The following RORA variants were observed in gnomAD, a reference collection of about 807,000 sequenced individuals.
The protein encoded by RORA is nuclear receptor ROR-alpha.
In RORA, 7 loss-of-function variants were observed where a neutral mutation model predicts 69.5. The observed-to-expected ratio is 0.10, with a 90% CI of 0.06 to 0.19. The LOEUF (loss-of-function observed/expected upper bound fraction) is 0.19, where lower values mean the gene tolerates loss of function less well. Among genes scored for constraint, RORA ranks in the 10% least tolerant of loss-of-function variants. The pLI, the probability that RORA is intolerant of heterozygous loss-of-function variation, is 1.00. For synonymous variants in RORA, 261 were observed against 240.8 expected (o/e 1.08, Z -0.78); for missense variants, 457 against 663.0 (o/e 0.69, Z 3.41).
chr15:60,647,391 T>C (rs765332509), intron 2 of RORA, among the ~76,000 whole-genome samples: 4 of 152,214 alleles, frequency 2.6e-5, no homozygotes, highest in Non-Finnish European at 5.9e-5. Flanking sequence ...GAAATCTGCC[T>C]GGCTTTGCGG....
chr15:60,675,912 C>G (rs1004519707), intron 2 of RORA, among the ~76,000 whole-genome samples: 1 of 152,006 alleles, frequency 6.6e-6, no homozygotes, highest in African/African-American at 2.4e-5. Context: ...AGTTAGGAAA[C>G]CAAGATTGAA....
chr15:60,589,348 C>T (rs1411401696), intron 2 of RORA, among the ~76,000 whole-genome samples: 2 of 152,168 alleles, frequency 1.3e-5, no homozygotes, highest in Admixed American at 1.3e-4. Flanking sequence ...AATCTACGGG[C>T]CAGAAATTCC....
intron 2 of RORA, among the ~76,000 whole-genome samples, chr15:60,641,954 T>A (rs916572174): frequency 6.6e-6 from 1 of 152,242 alleles, no homozygotes; most frequent in Non-Finnish European, 1.5e-5. Context: ...TTGGTACCTT[T>A]AAGTAGCATT....
At chr15:61,020,330 A>C (rs1238096977) in intron 1 of RORA, among the ~76,000 whole-genome samples, 1 of 152,142 alleles carries the variant, frequency 6.6e-6, no homozygotes, top group African/African-American at 2.4e-5. Flanking sequence ...CCAGGATGAA[A>C]GCACTCTCTT....
At chr15:60,678,575 A>G (rs2070589596) in intron 2 of RORA, 82 bp downstream of exon 2, 2 of 1,040,526 alleles carry the variant, frequency 1.9e-6, no homozygotes, top group Admixed American at 3.4e-5. Context: ...ATTAGTATAT[A>G]CTTGAAGGGT....
chr15:60,500,653 AACCCTAT>A (rs2065302442), intron 9 of RORA, among the ~76,000 whole-genome samples: 2 of 152,226 alleles, frequency 1.3e-5, no homozygotes, highest in African/African-American at 4.8e-5. Flanking sequence ...TAAGACAGGC[AACCCTAT>A]TCCACCACAG....
intron 3 of RORA, among the ~76,000 whole-genome samples, chr15:60,519,523 C>G (rs1364821925): frequency 6.6e-6 from 1 of 152,162 alleles, no homozygotes; most frequent in Non-Finnish European, 1.5e-5. Context: ...AGAATTCCTC[C>G]TTAGTTGTTC....
Position 60,516,235 on chromosome 15 carries a change from T to A in RORA, c.283-1478A>T, listed in dbSNP as rs866140081. ...TATATATATATATTTATATATATATTTATATATATATATTTATATATATAT... is the reference window on the plus strand; with the variant it reads ...TATATATATATATTTATATATATATATATATATATATATTTATATATATAT... On this transcript the variant is annotated intron_variant, in intron 3 of 10. Coordinates refer to ENST00000335670, the MANE Select transcript of RORA (RefSeq NM_134261.3). Among the ~76,000 whole-genome samples, 21 of 40,326 alleles carry A rather than the reference T, an allele frequency of 5.2e-4. 1 individual carries two copies. Among genetic ancestry groups the A allele is most frequent in the African/African-American group, 1.8e-3 (9 of 5,088 alleles). The allele number at this position is 40,326 out of a possible 152,430, so 26.5% of individuals were successfully genotyped here. A position where few individuals can be genotyped will look rare whatever the true frequency, so the allele number is the denominator to read the frequency against.
At chr15:60,793,803 T>C (rs369055992) in intron 1 of RORA, among the ~76,000 whole-genome samples, 17 of 152,304 alleles carry the variant, frequency 1.1e-4, no homozygotes, top group African/African-American at 4.1e-4. Flanking sequence ...CTCCAAGGCT[T>C]ACTGGCCACC....
intron 1 of RORA, among the ~76,000 whole-genome samples, chr15:61,182,563 C>A (rs2079697171): frequency 6.6e-6 from 1 of 152,112 alleles, no homozygotes; most frequent in South Asian, 2.1e-4. Flanking sequence ...AGTGCTGTTT[C>A]CAGTAGGAGA....
intron 1 of RORA, among the ~76,000 whole-genome samples, chr15:60,983,424 G>C (rs1008035194): frequency 6.6e-6 from 1 of 152,140 alleles, no homozygotes; most frequent in Non-Finnish European, 1.5e-5. Flanking sequence ...TGTCTCTGGT[G>C]GGGAAAATTT....
intron 2 of RORA, among the ~76,000 whole-genome samples, chr15:60,613,696 CTGTGTG>C (rs66616801): frequency 0.027 from 3,335 of 125,318 alleles, 95 homozygotes; most frequent in East Asian, 0.14. Flanking sequence ...AATTTGATAT[CTGTGTG>C]TGTGTGTGTG....
intron 1 of RORA, among the ~76,000 whole-genome samples, chr15:60,751,947 G>C (rs746337239): frequency 6.6e-6 from 1 of 152,140 alleles, no homozygotes; most frequent in Non-Finnish European, 1.5e-5. Flanking sequence ...AGTTTGGGAA[G>C]AGATCCGACA....
At chr15:60,737,890 A>G (rs924242416) in intron 1 of RORA, among the ~76,000 whole-genome samples, 4 of 152,254 alleles carry the variant, frequency 2.6e-5, no homozygotes, top group Non-Finnish European at 5.9e-5. Context: ...CAATTCTAGC[A>G]GAGACTTCGG....
rs540469308 is a variant in RORA at position 61,175,428 on chromosome 15, C to T, written c.166+53625G>A. Among the ~76,000 whole-genome samples the T allele has an allele frequency of 1.0e-3, 155 of 151,438 alleles. 2 individuals are homozygous for T. The highest frequency in any genetic ancestry group is 4.7e-4 in the Non-Finnish European group (32 of 67,920). The stretch of plus-strand genomic sequence containing the variant: ...ATTTTCTCATTTTAAAGATAGGGGC[C>T]AGGCACGGTGACTCATACCTATAAC... On this transcript the variant is annotated intron_variant, in intron 1 of 10. Coordinates refer to ENST00000335670, the MANE Select transcript of RORA (RefSeq NM_134261.3).
intron 1 of RORA, among the ~76,000 whole-genome samples, chr15:61,012,763 C>T (rs368164573): frequency 2.0e-5 from 3 of 152,142 alleles, no homozygotes; most frequent in East Asian, 1.9e-4. Flanking sequence ...AATCCTTCCA[C>T]CTCAGCCTCC....
chr15:60,929,755 A>C (rs1232726324), intron 1 of RORA, among the ~76,000 whole-genome samples: 1 of 152,056 alleles, frequency 6.6e-6, no homozygotes, highest in Non-Finnish European at 1.5e-5. Flanking sequence ...GCTCATCCTG[A>C]AGTGTGAGTT....
intron 1 of RORA, among the ~76,000 whole-genome samples, chr15:61,168,676 T>C (rs889979093): frequency 1.5e-4 from 23 of 152,134 alleles, no homozygotes; most frequent in Non-Finnish European, 1.0e-4. Context: ...CATCTTTCCT[T>C]GTCATTAAAT....
chr15:61,175,951 C>T (rs1246841300), intron 1 of RORA: 8 of 152,292 alleles, frequency 5.3e-5, no homozygotes, highest in African/African-American at 1.4e-4. Flanking sequence ...TCCTATCTCA[C>T]GCCAACCACA....
Sources: gnomAD v4.1 joint callset for allele counts (sites outside exome capture counted in the v4.1 genomes callset) on GRCh38, gnomAD v4.1.1 for gene constraint, MANE v1.5 for transcripts, NCBI Gene and HGNC (gene_info 2026-07-23, HGNC 2026-07-21) for gene names.